Variants in CNTN3 observed in about 807,000 individuals in gnomAD.
CNTN3 encodes the protein contactin-3.
In CNTN3, 60 loss-of-function variants were observed where a neutral mutation model predicts 119.1. The observed-to-expected ratio is 0.50, with a 90% CI of 0.41 to 0.62. The LOEUF is 0.62. CNTN3 is among the 20% of genes least tolerant of loss of function. The probability of loss-of-function intolerance (pLI) is 0.00; values close to 1 mark genes in which losing one functional copy is unlikely to be tolerated. For missense variants in CNTN3, 1,101 were observed against 1,242.4 expected (o/e 0.89, Z 1.71); for synonymous variants, 450 against 438.7 (o/e 1.03, Z -0.32).
rs540643496 is a variant in CNTN3 at position 74,331,713 on chromosome 3, C to T, written c.1668+3022G>A. 1.1e-4 allele frequency among the ~76,000 whole-genome samples: 16 copies of T among 152,248 alleles called. 1 individual carries two copies. The highest frequency in any genetic ancestry group is 6.2e-4 in the South Asian group (3 of 4,812). The stretch of plus-strand genomic sequence containing the variant: ...GTCTTTTCCTGCTGATTTAATGATA[C>T]GACTTTTTGATTCGCCCCATGATCA... On this transcript the variant is annotated intron_variant, in intron 13 of 22. Transcript: ENST00000263665.
intron 1 of CNTN3, among the ~76,000 whole-genome samples, chr3:74,534,531 G>A (rs1224260234): frequency 6.6e-6 from 1 of 151,922 alleles, no homozygotes; most frequent in African/African-American, 2.4e-5. Flanking sequence ...CAAACTGTAG[G>A]TTGTGTTTAA....
chr3:74,289,963 G>A (rs1420947628), intron 19 of CNTN3, among the ~76,000 whole-genome samples: 2 of 152,044 alleles, frequency 1.3e-5, no homozygotes, highest in Non-Finnish European at 2.9e-5. Flanking sequence ...ACACTGTGAC[G>A]GTTCTATGAG....
chr3:74,542,782 T>C (rs978587811), intron 1 of CNTN3, among the ~76,000 whole-genome samples: 12 of 151,406 alleles, frequency 7.9e-5, no homozygotes, highest in Non-Finnish European at 1.5e-4. Flanking sequence ...ACTTTTAAAA[T>C]TGAAAAAGTT....
At chr3:74,311,347 T>TGATATCAATTACATA (rs1245338002) in intron 13 of CNTN3, among the ~76,000 whole-genome samples, 58 of 152,172 alleles carry the variant, frequency 3.8e-4, no homozygotes, top group African/African-American at 1.3e-3. Context: ...CAGCTGTAAC[T>TGATATCAATTACATA]ATCGATAGAC....
At chr3:74,462,114 T>C (rs1702381060) in intron 4 of CNTN3, among the ~76,000 whole-genome samples, 1 of 152,014 alleles carries the variant, frequency 6.6e-6, no homozygotes, top group Admixed American at 6.6e-5. Context: ...GAACATCCCC[T>C]CTCACTCTCT....
rs1447686332 is a variant in CNTN3, at chr3:74,366,780, G to GTGTATGTATA, written c.947-1079_947-1078insTATACATACA. ...TGTGCGTGTGTGTGTGTGTGTGTGT[G>GTGTATGTATA]TATATATATATATATATATATATAT... On this transcript the variant is annotated intron_variant, in intron 8 of 22. Transcript: ENST00000263665. Among the ~76,000 whole-genome samples, 4 of 63,704 alleles carry GTGTATGTATA rather than the reference G, an allele frequency of 6.3e-5. No individual in the cohort carries two copies. In the South Asian group the frequency reaches 3.5e-3, roughly 55 times the overall value. The allele number at this position is 63,704 out of a possible 152,430, so 41.8% of individuals were successfully genotyped here.
chr3:74,481,281 C>A (rs1015076800), intron 4 of CNTN3, among the ~76,000 whole-genome samples: 4 of 151,132 alleles, frequency 2.6e-5, no homozygotes, highest in Admixed American at 6.6e-5. Flanking sequence ...GAACACCATA[C>A]CCAGTATTTA....
intron 13 of CNTN3, among the ~76,000 whole-genome samples, chr3:74,311,800 T>C (rs1702690272): frequency 6.6e-6 from 1 of 152,194 alleles, no homozygotes; most frequent in Non-Finnish European, 1.5e-5. Context: ...CAACTAATTC[T>C]TAGATCTGGC....
chr3:74,452,241 A>G (rs1475695071), intron 4 of CNTN3, among the ~76,000 whole-genome samples: 1 of 141,860 alleles, frequency 7.0e-6, no homozygotes, highest in East Asian at 2.1e-4. Flanking sequence ...GTCCCTTGTA[A>G]GGTGGATTCC....
chr3:74,441,569 A>G (rs1701967010), intron 4 of CNTN3, among the ~76,000 whole-genome samples: 1 of 152,214 alleles, frequency 6.6e-6, no homozygotes, highest in African/African-American at 2.4e-5. Context: ...GAAGCCCTTG[A>G]AAAAGATTTC....
At position 74,365,674 on chromosome 3, in the gene CNTN3, C is replaced by T. The variant is rs1337324362; in HGVS notation, c.975G>A (p.Lys325=). 2 of 1,613,104 alleles carry T rather than the reference C, an allele frequency of 1.2e-6. No individual in the cohort carries two copies. Residue 325 remains lysine, a synonymous_variant, in exon 9 of 23, where the codon AAG becomes AAA. Coordinates refer to ENST00000263665, the MANE Select transcript of CNTN3 (RefSeq NM_020872.3). ...YAKPHWVQLI[K]DVEIAVEDSL... ...TGTCCTCCACGGCTATTTCCACATC[C>T]TTTATGAGTTGAACCCAATGGGGCT...
chr3:74,421,220 G>T (rs1451714285), intron 5 of CNTN3, among the ~76,000 whole-genome samples: 1 of 151,982 alleles, frequency 6.6e-6, no homozygotes, highest in African/African-American at 2.4e-5. Context: ...GCCCAGGCTG[G>T]AGTGCAGTGG....
At chr3:74,450,787 T>G (rs1370966379) in intron 4 of CNTN3, among the ~76,000 whole-genome samples, 1 of 151,402 alleles carries the variant, frequency 6.6e-6, no homozygotes. Context: ...CTTGTGATAG[T>G]TTACTGAGAA....
Position 74,264,319 on chromosome 3 carries a change from C to A in CNTN3, c.*82G>T. On this transcript the variant is annotated 3_prime_UTR_variant, in exon 23 of 23. Transcript: ENST00000263665. ...AGTTAAAAATAAGAGTTGAAAAAAA[C>A]ATGCATAATCACTGCATTTCATGAA... 5.5e-6 allele frequency: 3 copies of A among 542,478 alleles called. No individual in the cohort carries two copies. Among genetic ancestry groups the A allele is most frequent in the Non-Finnish European group, 9.2e-6 (3 of 326,748 alleles). 33.6% of individuals were successfully genotyped at this position (542,478 alleles called of 1,614,324 possible).
At position 74,371,203 on chromosome 3, in the gene CNTN3, A is replaced by G. The variant is rs1168253314; in HGVS notation, c.651T>C (p.Arg217=). The change falls in exon 6 of 23, where the codon CGT becomes CGC. Residue 217 remains arginine, a synonymous_variant. Transcript: ENST00000263665. The part of the protein sequence containing the change: ...VLGSPTPLVL[R]SDGVMGEYEP... ...TTGGAGAAGTTTCATTACCATCAGA[A>G]CGTAGCACCAAAGGAGTTGGAGAGC... is the stretch of plus-strand genomic sequence containing the variant. The G allele has an allele frequency of 1.9e-6, 3 of 1,612,194 alleles. No homozygotes were observed. The highest frequency in any genetic ancestry group is 2.2e-5 in the South Asian group (2 of 91,038).
chr3:74,298,889 GAA>G (rs78585763), intron 17 of CNTN3, among the ~76,000 whole-genome samples: 1 of 55,804 alleles, frequency 1.8e-5, no homozygotes, highest in Admixed American at 2.4e-4. Context: ...CTCCATCAAG[GAA>G]AAAAAAAAAA....
intron 4 of CNTN3, among the ~76,000 whole-genome samples, chr3:74,452,458 C>A (rs2106952026): frequency 6.7e-6 from 1 of 148,310 alleles, no homozygotes; most frequent in East Asian, 2.0e-4. Flanking sequence ...ATGTCATCTG[C>A]AAACAGGGAC....
At chr3:74,609,422 T>C (rs1410169389) in intron 1 of CNTN3, among the ~76,000 whole-genome samples, 1 of 152,164 alleles carries the variant, frequency 6.6e-6, no homozygotes, top group African/African-American at 2.4e-5. Flanking sequence ...GTTCTTGTAT[T>C]TTTAATCGGT....
At chr3:74,410,463 TTCTC>T (rs1701419853) in intron 5 of CNTN3, among the ~76,000 whole-genome samples, 1 of 152,136 alleles carries the variant, frequency 6.6e-6, no homozygotes. Flanking sequence ...GGTGTACTGC[TTCTC>T]TCTCTGAGTT....
Sources: gnomAD v4.1 joint callset for allele counts (sites outside exome capture counted in the v4.1 genomes callset) on GRCh38, gnomAD v4.1.1 for gene constraint, MANE v1.5 for transcripts, NCBI Gene and HGNC (gene_info 2026-07-23, HGNC 2026-07-21) for gene names.